The following RORA variants were observed in gnomAD, a reference collection of about 807,000 sequenced individuals.
The protein encoded by RORA is RAR related orphan receptor A.
In RORA, 7 loss-of-function variants were observed where a neutral mutation model predicts 69.5. The observed-to-expected ratio is 0.10, with a 90% CI of 0.06 to 0.19. RORA has a LOEUF of 0.19. Among genes scored for constraint, RORA ranks in the 10% least tolerant of loss-of-function variants. The probability of loss-of-function intolerance (pLI) is 1.00; values close to 1 mark genes in which losing one functional copy is unlikely to be tolerated. For missense variants in RORA, 457 were observed against 663.0 expected, an observed-to-expected ratio of 0.69 and a Z score of 3.41; for synonymous variants, 261 against 240.8, an observed-to-expected ratio of 1.08 and a Z score of -0.78.
chr15:60,744,054 G>C (rs1034759085), intron 1 of RORA, among the ~76,000 whole-genome samples: 4 of 150,302 alleles, frequency 2.7e-5, no homozygotes, highest in African/African-American at 9.8e-5. Flanking sequence ...GAAAGCACTA[G>C]GGTTGAAAAA....
At chr15:60,911,695 G>T (rs1487300879) in intron 1 of RORA, among the ~76,000 whole-genome samples, 1 of 82,686 alleles carries the variant, frequency 1.2e-5, no homozygotes, top group Non-Finnish European at 2.4e-5. Context: ...TCAGGTAACG[G>T]ATTTTTGATT....
intron 1 of RORA, among the ~76,000 whole-genome samples, chr15:61,016,504 T>C (rs1025169747): frequency 1.3e-5 from 2 of 152,172 alleles, no homozygotes; most frequent in Non-Finnish European, 2.9e-5. Context: ...CATGTGGCTC[T>C]CCAAGAAGAG....
chr15:60,689,894 G>A (rs2070797966), intron 1 of RORA, among the ~76,000 whole-genome samples: 1 of 152,166 alleles, frequency 6.6e-6, no homozygotes, highest in Non-Finnish European at 1.5e-5. Context: ...AGGGAGCAAG[G>A]CTCTGCTGCC....
At chr15:60,914,721 A>C (rs12901574) in intron 1 of RORA, among the ~76,000 whole-genome samples, 47,323 of 152,080 alleles carry the variant, frequency 0.31, 8,192 homozygotes, top group East Asian at 0.6. Context: ...TGTGATAAAG[A>C]AATGGAGAGC....
chr15:60,934,446 C>T (rs993173549), intron 1 of RORA, among the ~76,000 whole-genome samples: 2 of 151,484 alleles, frequency 1.3e-5, no homozygotes, highest in Admixed American at 6.6e-5. Flanking sequence ...GACTTAGTAG[C>T]TCTGGGATAA....
intron 1 of RORA, among the ~76,000 whole-genome samples, chr15:60,966,208 T>A (rs937995057): frequency 2.6e-5 from 4 of 152,226 alleles, no homozygotes; most frequent in African/African-American, 7.2e-5. Context: ...CCTGCTGGAT[T>A]AGCACCTACC....
intron 1 of RORA, among the ~76,000 whole-genome samples, chr15:61,150,138 A>G (rs1001918080): frequency 6.6e-6 from 1 of 152,262 alleles, no homozygotes; most frequent in Admixed American, 6.5e-5. Flanking sequence ...TCCCAAGCTT[A>G]TATAGTATCT....
rs1033068305 is a variant in RORA, at chr15:60,490,858, T to G, written c.*6597A>C. 1 of 152,150 alleles carries G rather than the reference T, an allele frequency of 6.6e-6. No homozygotes were observed. The highest frequency in any genetic ancestry group is 2.4e-5 in the African/African-American group (1 of 41,428). The allele number at this position is 152,150 out of a possible 1,614,324, so 9.4% of individuals were successfully genotyped here. A position where few individuals can be genotyped will look rare whatever the true frequency, so the allele number is the denominator to read the frequency against. The stretch of plus-strand genomic sequence containing the variant: ...CTAACACTGCAGTTCTTTATACATA[T>G]TAAAAGCCTTGTCTGGGGTTTGTCA... On this transcript the variant is annotated 3_prime_UTR_variant, in exon 11 of 11. Transcript: ENST00000335670. The surrounding 1 kb of genome is among the most constrained non-coding windows in gnomAD (Gnocchi z 4.1).
At chr15:60,775,215 G>T (rs924236481) in intron 1 of RORA, among the ~76,000 whole-genome samples, 1 of 152,058 alleles carries the variant, frequency 6.6e-6, no homozygotes, top group East Asian at 1.9e-4. Context: ...ATGTTATTCT[G>T]GTCCAAGCTG....
rs906469023 is a variant in RORA, at chr15:61,165,065, C to T, written c.166+63988G>A. Among the ~76,000 whole-genome samples, 3 of 152,328 alleles carry T rather than the reference C, an allele frequency of 2.0e-5. No homozygotes were observed. The East Asian group carries it at 5.8e-4, about 29-fold the overall frequency. Reference sequence around the variant, plus strand: ...TGAGAAGAAGGCATCCTGCTTCTCTCTGTAGGTTCCCCTAGCAAACCCCAA... The same window carrying T: ...TGAGAAGAAGGCATCCTGCTTCTCTTTGTAGGTTCCCCTAGCAAACCCCAA... On this transcript the variant is annotated intron_variant, in intron 1 of 10. Transcript: ENST00000335670.
Position 60,493,558 on chromosome 15 carries a change from C to G in RORA, c.*3897G>C, listed in dbSNP as rs1749928943. On this transcript the variant is annotated 3_prime_UTR_variant, in exon 11 of 11. Coordinates refer to ENST00000335670, the MANE Select transcript of RORA (RefSeq NM_134261.3). ...TCCTTAGTCTAAAACTAAAAACACACATTTCTACTATGGCACATTCAATGA... is the reference window on the plus strand; with the variant it reads ...TCCTTAGTCTAAAACTAAAAACACAGATTTCTACTATGGCACATTCAATGA... 6.6e-6 allele frequency: 1 copy of G among 152,102 alleles called. No homozygotes were observed. Among genetic ancestry groups the G allele is most frequent in the South Asian group, 2.1e-4 (1 of 4,832 alleles). 9.4% of individuals were successfully genotyped at this position (152,102 alleles called of 1,614,324 possible). A position where few individuals can be genotyped will look rare whatever the true frequency, so the allele number is the denominator to read the frequency against.
chr15:60,513,060 C>T (rs937611042), intron 4 of RORA, among the ~76,000 whole-genome samples: 2 of 152,282 alleles, frequency 1.3e-5, no homozygotes, highest in African/African-American at 2.4e-5. Flanking sequence ...TAGATGGACA[C>T]GAAGTTGGGA....
intron 2 of RORA, among the ~76,000 whole-genome samples, chr15:60,594,754 A>C (rs892108298): frequency 6.6e-6 from 1 of 152,252 alleles, no homozygotes; most frequent in Admixed American, 6.5e-5. Context: ...CCCCAATAGA[A>C]ATATAATCTC....
At chr15:60,864,895 C>T (rs1423431924) in intron 1 of RORA, among the ~76,000 whole-genome samples, 1 of 152,194 alleles carries the variant, frequency 6.6e-6, no homozygotes. Context: ...CACCAAGTAA[C>T]ACTACCACTG....
chr15:61,039,251 T>C (rs1896613651), intron 1 of RORA: 1 of 152,140 alleles, frequency 6.6e-6, no homozygotes, highest in Non-Finnish European at 1.5e-5. Flanking sequence ...CTAAAAATGC[T>C]TGGGAGAGGG....
chr15:60,966,164 T>C (rs1414902260), intron 1 of RORA, among the ~76,000 whole-genome samples: 2 of 152,210 alleles, frequency 1.3e-5, no homozygotes, highest in Non-Finnish European at 1.5e-5. Context: ...CTTCTCTCTG[T>C]ATCCACATTT....
intron 1 of RORA, among the ~76,000 whole-genome samples, chr15:61,048,221 T>C (rs776540335): frequency 6.6e-6 from 1 of 152,164 alleles, no homozygotes; most frequent in South Asian, 2.1e-4. Flanking sequence ...ACTGATGAAA[T>C]TATATGCAGG....
At chr15:61,015,444 A>G (rs1210405833) in intron 1 of RORA, among the ~76,000 whole-genome samples, 2 of 151,996 alleles carry the variant, frequency 1.3e-5, no homozygotes, top group Non-Finnish European at 2.9e-5. Context: ...AAAATTTTTA[A>G]GTAAAAAAAA....
rs1372753872 is a variant in RORA, at chr15:60,532,852, T to C, written c.197-1001A>G. On this transcript the variant is annotated intron_variant, in intron 2 of 10. Transcript: ENST00000335670. ...CCATGGTTTTCACTACTGGGTATCA[T>C]GTTAGATTACCTACTGAGTTACACA... is the stretch of plus-strand genomic sequence containing the variant. 3.3e-5 allele frequency among the ~76,000 whole-genome samples: 5 copies of C among 152,254 alleles called. No homozygotes were observed. In the South Asian group the frequency reaches 6.2e-4, roughly 19 times the overall value.
Sources: gnomAD v4.1 joint callset for allele counts (sites outside exome capture counted in the v4.1 genomes callset) on GRCh38, gnomAD v4.1.1 for gene constraint, Gnocchi (gnomAD v3.1) non-coding constraint, MANE v1.5 for transcripts, NCBI Gene and HGNC (gene_info 2026-07-23, HGNC 2026-07-21) for gene names.